A3GALT2: variants seen among roughly 807,000 people sequenced by gnomAD.
The protein encoded by A3GALT2 is alpha-1,3-galactosyltransferase 2.
A neutral mutation model predicts 16.6 loss-of-function variants in A3GALT2; 14 were observed. That is an observed-to-expected ratio of 0.84 (90% CI 0.56 to 1.32). The LOEUF is 1.32. Among genes scored for constraint, A3GALT2 ranks in the 40% most tolerant of loss-of-function variants. A3GALT2 has a pLI of 0.00. For synonymous variants in A3GALT2, 253 were observed against 218.0 expected, an observed-to-expected ratio of 1.16 and a Z score of -1.42; for missense variants, 600 against 490.9, an observed-to-expected ratio of 1.22 and a Z score of -2.10.
intron 4 of A3GALT2, among the ~76,000 whole-genome samples, chr1:33,311,509 A>AC (rs1289043137): frequency 2.0e-5 from 3 of 151,356 alleles, no homozygotes; most frequent in Non-Finnish European, 4.4e-5. Flanking sequence ...AGTATTTGTC[A>AC]CCCCCTTCCT....
intron 1 of A3GALT2, among the ~76,000 whole-genome samples, chr1:33,315,237 C>T (rs916137745): frequency 3.3e-5 from 5 of 152,300 alleles, no homozygotes; most frequent in South Asian, 4.1e-4. Context: ...CAAAAATTAG[C>T]TGGCCGTGGT....
Position 33,306,956 on chromosome 1 carries a change from C to T in A3GALT2, c.833G>A (p.Trp278Ter), listed in dbSNP as rs1172139725. Residue 278 changes from tryptophan to a stop codon, truncating the protein, a stop_gained, in exon 5 of 5, where the codon TGG becomes TAG. Transcript: ENST00000442999. LOFTEE classifies it low-confidence loss of function (END_TRUNC). ...LTAHCAGGLD[W>*]DRARGLEARW... ...CGCCTCCAGGCCGCGCGCGCGGTCC[C>T]AGTCCAGGCCCCCCGCACAGTGCGC... The T allele has an allele frequency of 3.3e-6, 5 of 1,503,368 alleles. No individual in the cohort carries two copies. In the African/African-American group the frequency reaches 4.4e-5, roughly 13 times the overall value. The allele number at this position is 1,503,368 out of a possible 1,614,324, so 93.1% of individuals were successfully genotyped here.
At chr1:33,316,252 G>T (rs568962873) in intron 1 of A3GALT2, among the ~76,000 whole-genome samples, 2 of 152,210 alleles carry the variant, frequency 1.3e-5, no homozygotes, top group African/African-American at 4.8e-5. Context: ...GGAACTGCAG[G>T]GTGGAGTGTA....
At chr1:33,310,912 C>G (rs1646230063) in intron 4 of A3GALT2, among the ~76,000 whole-genome samples, 1 of 152,180 alleles carries the variant, frequency 6.6e-6, no homozygotes, top group Admixed American at 6.5e-5. Flanking sequence ...GCAGTTCTGC[C>G]CGCCTGGTCC....
intron 4 of A3GALT2, among the ~76,000 whole-genome samples, chr1:33,310,445 C>T (rs755177200): frequency 6.6e-6 from 1 of 152,168 alleles, no homozygotes; most frequent in African/African-American, 2.4e-5. Context: ...ATATAGATAA[C>T]GAGGCTGCCT....
In A3GALT2 at chr1:33,312,827, C is replaced by G. The variant is rs1328605758; in HGVS notation, c.87G>C (p.Leu29=). The G allele has an allele frequency of 6.2e-7, 1 of 1,603,224 alleles. No homozygotes were observed. Among genetic ancestry groups the G allele is most frequent in the African/African-American group, 1.3e-5 (1 of 74,792 alleles). ...LLTLGLLGLF[L]YGLPKFRHLE... is the part of the protein sequence containing the mutation. Reference sequence around the variant, plus strand: ...TTTACCTGAATTTAGGGAGGCCATACAGAAACAGGCCTAAGAGGCCAAGTG... The same window carrying G: ...TTTACCTGAATTTAGGGAGGCCATAGAGAAACAGGCCTAAGAGGCCAAGTG... Residue 29 remains leucine (L), a synonymous_variant, in exon 2 of 5, where the codon CTG becomes CTC. Transcript: ENST00000442999.
intron 1 of A3GALT2, among the ~76,000 whole-genome samples, chr1:33,316,819 T>C (rs1646264320): frequency 6.6e-6 from 1 of 151,806 alleles, no homozygotes; most frequent in Admixed American, 6.6e-5. Flanking sequence ...AGGGATGTTA[T>C]GGGAGAGAGG....
intron 4 of A3GALT2, among the ~76,000 whole-genome samples, chr1:33,309,829 C>G (rs1338834421): frequency 1.3e-5 from 2 of 148,964 alleles, no homozygotes; most frequent in African/African-American, 5.0e-5. Flanking sequence ...ACTGGGCGGC[C>G]GGGCAGAGGG....
rs11804256 is a variant in A3GALT2 at position 33,316,249 on chromosome 1, C to T, written c.24-3359G>A. Among the ~76,000 whole-genome samples the T allele has an allele frequency of 1.1e-3, 168 of 152,112 alleles. 1 individual carries two copies. Among genetic ancestry groups the T allele is most frequent in the Middle Eastern group, 6.8e-3 (2 of 294 alleles). On this transcript the variant is annotated intron_variant, in intron 1 of 4. Coordinates refer to ENST00000442999, the MANE Select transcript of A3GALT2 (RefSeq NM_001080438.1). Reference sequence around the variant, plus strand: ...CACTCCTGGAATGTCTGTGGAACTGCAGGGTGGAGTGTAGTAGCAGATGAG... The same window carrying T: ...CACTCCTGGAATGTCTGTGGAACTGTAGGGTGGAGTGTAGTAGCAGATGAG...
At chr1:33,317,709 A>C (rs1646267792) in intron 1 of A3GALT2, among the ~76,000 whole-genome samples, 1 of 152,254 alleles carries the variant, frequency 6.6e-6, no homozygotes, top group African/African-American at 2.4e-5. Flanking sequence ...GGATCAATGA[A>C]TTAGGCATCT....
At position 33,307,156 on chromosome 1, in the gene A3GALT2, C is replaced by G. The variant is rs1458607499; in HGVS notation, c.633G>C (p.Glu211Asp). The G allele has an allele frequency of 1.4e-5, 21 of 1,553,788 alleles. No homozygotes were observed. The highest frequency in any genetic ancestry group is 1.8e-5 in the Non-Finnish European group (21 of 1,153,230). Residue 211 changes from glutamate (E) to aspartate (D), a missense_variant, in exon 5 of 5, where the codon GAG (glutamate) becomes GAC (aspartate). Coordinates refer to ENST00000442999, the MANE Select transcript of A3GALT2 (RefSeq NM_001080438.1). ...GCTGCGCCACCGACTCGGCCAGCGC[C>G]TCGGGCCCAAAAGTGCCGCTGAAGT... is the stretch of plus-strand genomic sequence containing the variant. The part of the protein sequence containing the change: ...DQHFSGTFGP[E>D]ALAESVAQLH...
Position 33,307,163 on chromosome 1 carries a change from C to A in A3GALT2, c.626G>T (p.Gly209Val). The A allele has an allele frequency of 1.9e-6, 3 of 1,553,450 alleles. No homozygotes were observed. The highest frequency in any genetic ancestry group is 2.6e-6 in the Non-Finnish European group (3 of 1,153,134). Residue 209 changes from glycine to valine, a missense_variant, in exon 5 of 5, where the codon GGG becomes GTG. Coordinates refer to ENST00000442999, the MANE Select transcript of A3GALT2 (RefSeq NM_001080438.1). ...CACCGACTCGGCCAGCGCCTCGGGC[C>A]CAAAAGTGCCGCTGAAGTGCTGGTC... ...DVDQHFSGTF[G>V]PEALAESVAQ...
intron 1 of A3GALT2, among the ~76,000 whole-genome samples, chr1:33,313,121 T>C (rs1646243440): frequency 6.9e-6 from 1 of 145,916 alleles, no homozygotes; most frequent in South Asian, 2.2e-4. Flanking sequence ...GGGACTGACC[T>C]TGGACAGGAG....
In A3GALT2 at chr1:33,312,586, G is replaced by C; in HGVS notation, c.112C>G (p.Leu38Val). The C allele has an allele frequency of 6.3e-7, 1 of 1,586,004 alleles. No homozygotes were observed. Among genetic ancestry groups the C allele is most frequent in the Non-Finnish European group, 8.6e-7 (1 of 1,164,536 alleles). Reference sequence around the variant, plus strand: ...ACGCCCATGGGGATGAGGGCTTCCAGATGCCTGTGGTGGGTTGAGGGGCGG... The same window carrying C: ...ACGCCCATGGGGATGAGGGCTTCCACATGCCTGTGGTGGGTTGAGGGGCGG... ...FLYGLPKFRH[L>V]EALIPMGVCP... Residue 38 changes from leucine (L) to valine (V), a missense_variant, in exon 3 of 5, where the codon CTG becomes GTG. By Grantham distance (32) the Leu-to-Val change is conservative. Transcript: ENST00000442999.
chr1:33,316,173 G>A (rs1384573196), intron 1 of A3GALT2, among the ~76,000 whole-genome samples: 1 of 152,094 alleles, frequency 6.6e-6, no homozygotes, highest in African/African-American at 2.4e-5. Context: ...CATGGAGGGG[G>A]AAGAGAGGTC....
intron 4 of A3GALT2, among the ~76,000 whole-genome samples, chr1:33,311,660 G>A (rs1410268883): frequency 6.6e-6 from 1 of 152,080 alleles, no homozygotes; most frequent in Admixed American, 6.6e-5. Context: ...CCTCCAATGG[G>A]CACCGAATGC....
Position 33,307,009 on chromosome 1 carries a change from GCC to G in A3GALT2, c.778_779del (p.Gly260GlnfsTer?). ...DFYNHAAVFG[G>X]SVAALRGLTA... ...TCAGCCCGCGCAGCGCCGCCACGCT[GCC>G]CCCGAACACCGCCGCGTGGTTATAG... On this transcript the variant is annotated frameshift_variant, in exon 5 of 5. Transcript: ENST00000442999. LOFTEE classifies it low-confidence loss of function (END_TRUNC). The G allele has an allele frequency of 6.8e-7, 1 of 1,460,492 alleles. No homozygotes were observed. Among genetic ancestry groups the G allele is most frequent in the South Asian group, 1.4e-5 (1 of 73,418 alleles). The allele number at this position is 1,460,492 out of a possible 1,614,324, so 90.5% of individuals were successfully genotyped here.
intron 2 of A3GALT2, 47 bp from the exon 3 acceptor site, chr1:33,312,637 T>A: frequency 1.3e-6 from 2 of 1,512,512 alleles, no homozygotes; most frequent in Non-Finnish European, 1.8e-6. Context: ...GAGAAGCATG[T>A]CAGCCTGGCC....
chr1:33,321,031 C>A (rs1459306550), intron 1 of A3GALT2, 45 bp downstream of exon 1: 1 of 1,611,544 alleles, frequency 6.2e-7, no homozygotes, highest in Non-Finnish European at 8.5e-7. Flanking sequence ...CTTAGCTCAG[C>A]TGTCCCCAAG....
Sources: gnomAD v4.1 joint callset for allele counts (sites outside exome capture counted in the v4.1 genomes callset) on GRCh38, gnomAD v4.1.1 for gene constraint, MANE v1.5 for transcripts, NCBI Gene and HGNC (gene_info 2026-07-23, HGNC 2026-07-21) for gene names.